Variants in NFATC2 observed in about 807,000 individuals in gnomAD.
NFATC2 encodes the protein nuclear factor of activated T-cells, cytoplasmic 2.
Under a neutral mutation model 87.3 loss-of-function variants are expected in NFATC2, and 22 were observed. The observed-to-expected ratio is 0.25, with a 90% CI of 0.18 to 0.36. NFATC2 has a LOEUF of 0.36. Ranked by LOEUF, NFATC2 falls within the 10% of genes least tolerant of loss-of-function variation. The pLI is 1.00. For synonymous variants in NFATC2, 565 were observed against 542.2 expected, an observed-to-expected ratio of 1.04 and a Z score of -0.58; for missense variants, 1,149 against 1,259.1, an observed-to-expected ratio of 0.91 and a Z score of 1.32.
At chr20:51,448,696 G>T (rs1985398051) in intron 6 of NFATC2, among the ~76,000 whole-genome samples, 1 of 152,112 alleles carries the variant, frequency 6.6e-6, no homozygotes, top group South Asian at 2.1e-4. Context: ...CATTCTAAGA[G>T]CAAACGGAGA....
intron 1 of NFATC2, among the ~76,000 whole-genome samples, chr20:51,539,223 T>C (rs1297292137): frequency 6.6e-6 from 1 of 152,188 alleles, no homozygotes; most frequent in East Asian, 1.9e-4. Flanking sequence ...TCTGCCCCAT[T>C]AGCAGTACCT....
upstream of NFATC2, chr20:51,542,720 C>G (rs1376465683): frequency 4.4e-6 from 4 of 912,824 alleles, no homozygotes; most frequent in Middle Eastern, 5.9e-4. Context: ...GCTTCCTGCT[C>G]CGGAGGCACC....
rs978725502 is a variant in NFATC2, at chr20:51,512,183, ACT to A, written c.1332+4599_1332+4600del. Among the ~76,000 whole-genome samples, 150 of 152,058 alleles carry A rather than the reference ACT, an allele frequency of 9.9e-4. 1 individual carries two copies. The highest frequency in any genetic ancestry group is 3.5e-3 in the African/African-American group (146 of 41,464). On this transcript the variant is annotated intron_variant, in intron 3 of 10. Transcript: ENST00000371564. ...TGACAAGTCACCTCCTCAACGAGACACTCTTTCTAAAGTAGGTCTTCCAAGTA... is the reference window on the plus strand; with the variant it reads ...TGACAAGTCACCTCCTCAACGAGACACTTTCTAAAGTAGGTCTTCCAAGTA...
chr20:51,513,737 A>G (rs999629294), intron 3 of NFATC2, among the ~76,000 whole-genome samples: 37 of 152,358 alleles, frequency 2.4e-4, no homozygotes, highest in African/African-American at 8.9e-4. Context: ...CACCCTCCCA[A>G]GACAGGGCCA....
intron 6 of NFATC2, among the ~76,000 whole-genome samples, chr20:51,441,492 G>C (rs1006604534): frequency 6.6e-5 from 10 of 151,982 alleles, no homozygotes; most frequent in African/African-American, 2.2e-4. Context: ...AAGGTAGGTG[G>C]ACCACCTGAG....
chr20:51,428,711 G>T (rs192700084), intron 9 of NFATC2, among the ~76,000 whole-genome samples: 1 of 152,184 alleles, frequency 6.6e-6, no homozygotes, highest in East Asian at 1.9e-4. Context: ...GCACTTGTGC[G>T]GGGGAGGGAG....
chr20:51,528,963 T>G (rs13039818), intron 1 of NFATC2, among the ~76,000 whole-genome samples: 59,033 of 151,946 alleles, frequency 0.39, 11,799 homozygotes, highest in South Asian at 0.45. Context: ...AGGCCTGGAG[T>G]TCTTGTGAGG....
At chr20:51,402,406 A>G (rs1234841160) in intron 9 of NFATC2, among the ~76,000 whole-genome samples, 1 of 151,284 alleles carries the variant, frequency 6.6e-6, no homozygotes, top group Non-Finnish European at 1.5e-5. Flanking sequence ...GTTCATCACC[A>G]CCTCGGCCCC....
At chr20:51,487,988 G>T (rs1468333278) in intron 3 of NFATC2, among the ~76,000 whole-genome samples, 11 of 152,118 alleles carry the variant, frequency 7.2e-5, no homozygotes, top group Non-Finnish European at 1.6e-4. Context: ...CTGGGGAGAG[G>T]CGGGACCCAC....
rs113246969 is a variant in NFATC2, at chr20:51,523,791, C to A, written c.450G>T (p.Arg150Ser). The A allele has an allele frequency of 1.9e-6, 3 of 1,609,186 alleles. No individual in the cohort carries two copies. Among genetic ancestry groups the A allele is most frequent in the Non-Finnish European group, 2.5e-6 (3 of 1,177,660 alleles). The change falls in exon 2 of 11, where the codon AGG becomes AGT. Residue 150 changes from arginine to serine, a missense_variant. Arg to Ser is a moderately radical substitution (Grantham distance 110). This residue lies in a region of NFATC2 where 563 missense variants were observed against 585.2 expected (regional missense o/e 0.96). Coordinates refer to ENST00000371564, the MANE Select transcript of NFATC2 (RefSeq NM_012340.5). This position sits in a 1 kb window ranked among gnomAD's most constrained non-coding sequence, Gnocchi z 6.9. ...PPLAGVAASP[R>S]FTLPVPGFEG... ...CGAAGCCGGGCACGGGCAGGGTGAACCTCGGGCTGGCGGCCACCCCGGCCA... is the reference window on the plus strand; with the variant it reads ...CGAAGCCGGGCACGGGCAGGGTGAAACTCGGGCTGGCGGCCACCCCGGCCA...
chr20:51,483,193 C>T (rs890186091), intron 3 of NFATC2, among the ~76,000 whole-genome samples: 5 of 151,996 alleles, frequency 3.3e-5, no homozygotes, highest in Admixed American at 6.6e-5. Context: ...TTGCAAGTGG[C>T]ACGTCTCTGA....
chr20:51,388,447 T>TCAA lies in NFATC2; in HGVS notation c.*3048_*3049insTTG, dbSNP rs1985994294. The stretch of plus-strand genomic sequence containing the variant: ...GGCTCTGAGTGGGGGTTTTATTATA[T>TCAA]GGGTTTTTGTTTCCTGGAATGAGTA... On this transcript the variant is annotated 3_prime_UTR_variant, in exon 11 of 11. Transcript: ENST00000371564. The TCAA allele has an allele frequency of 6.6e-6, 1 of 152,086 alleles. No individual in the cohort carries two copies. Among genetic ancestry groups the TCAA allele is most frequent in the Admixed American group, 6.6e-5 (1 of 15,258 alleles). The allele number at this position is 152,086 out of a possible 1,614,324, so 9.4% of individuals were successfully genotyped here. A position where few individuals can be genotyped will look rare whatever the true frequency, so the allele number is the denominator to read the frequency against.
chr20:51,426,477 C>CA (rs140465988), intron 9 of NFATC2, among the ~76,000 whole-genome samples: 8,763 of 87,922 alleles, frequency 0.1, 725 homozygotes, highest in African/African-American at 0.29. Flanking sequence ...GACTTTGTCT[C>CA]AAAAAAAAAA....
intron 5 of NFATC2, among the ~76,000 whole-genome samples, chr20:51,460,540 A>G (rs1415749435): frequency 6.6e-6 from 1 of 151,362 alleles, no homozygotes; most frequent in Non-Finnish European, 1.5e-5. Flanking sequence ...TATATATTTT[A>G]GCATATATGT....
chr20:51,535,881 T>C (rs1228359928), intron 1 of NFATC2, among the ~76,000 whole-genome samples: 1 of 152,210 alleles, frequency 6.6e-6, no homozygotes, highest in Admixed American at 6.5e-5. Flanking sequence ...AATGCTCTTT[T>C]TCCAAAACCT....
chr20:51,476,106 T>C (rs1428252213), intron 3 of NFATC2, among the ~76,000 whole-genome samples: 2 of 151,010 alleles, frequency 1.3e-5, no homozygotes, highest in Non-Finnish European at 2.9e-5. Context: ...CTTTAAGTTT[T>C]AGGGTACATG....
rs1187304658 is a variant in NFATC2 at position 51,432,196 on chromosome 20, G to T, written c.2593C>A (p.Gln865Lys). ...LSPGSYPTVIQQQNATSQRAA... is the reference protein window; with the variant it reads ...LSPGSYPTVIKQQNATSQRAA... ...CTTTGGCTCGTGGCATTCTGCTGCT[G>T]AATGACTGTGGGGTAGGAACCCGGG... The change falls in exon 9 of 11, where the codon CAG (glutamine) becomes AAG (lysine). Residue 865 changes from glutamine to lysine, a missense_variant. Coordinates refer to ENST00000371564, the MANE Select transcript of NFATC2 (RefSeq NM_012340.5). The surrounding 1 kb of genome is among the most constrained non-coding windows in gnomAD (Gnocchi z 4.6). The T allele has an allele frequency of 1.2e-6, 2 of 1,610,950 alleles. No homozygotes were observed. Among genetic ancestry groups the T allele is most frequent in the Admixed American group, 3.3e-5 (2 of 59,850 alleles).
intron 9 of NFATC2, among the ~76,000 whole-genome samples, chr20:51,404,437 T>C (rs565933419): frequency 6.6e-6 from 1 of 152,372 alleles, no homozygotes; most frequent in East Asian, 1.9e-4. Flanking sequence ...ATAAGAACTC[T>C]GTACCACATT....
intron 5 of NFATC2, among the ~76,000 whole-genome samples, chr20:51,464,322 C>T (rs1373646540): frequency 2.0e-5 from 3 of 152,312 alleles, no homozygotes; most frequent in East Asian, 1.9e-4. Flanking sequence ...CGCATTTAAC[C>T]GCCACCCTGA....
Sources: gnomAD v4.1 joint callset for allele counts (sites outside exome capture counted in the v4.1 genomes callset) on GRCh38, gnomAD v4.1.1 for gene constraint, gnomAD v4.1.1 regional missense constraint, Gnocchi (gnomAD v3.1) non-coding constraint, MANE v1.5 for transcripts, NCBI Gene and HGNC (gene_info 2026-07-23, HGNC 2026-07-21) for gene names.